The following SLC12A7 variants were observed in gnomAD, a reference collection of about 807,000 sequenced individuals.
The protein encoded by SLC12A7 is solute carrier family 12 member 7, also known as K-Cl cotransporter 4.
In SLC12A7, 100 loss-of-function variants were observed where a neutral mutation model predicts 120.6. The observed-to-expected ratio is 0.83, with a 90% confidence interval of 0.71 to 0.98. The LOEUF (loss-of-function observed/expected upper bound fraction) is 0.98. Among genes scored for constraint, SLC12A7 ranks in the 50% least tolerant of loss-of-function variants. The pLI, the probability that SLC12A7 is intolerant of heterozygous loss-of-function variation, is 0.00. For missense variants in SLC12A7, 1,373 were observed against 1,548.1 expected, an observed-to-expected ratio of 0.89 and a Z score of 1.90; for synonymous variants, 760 against 678.0, an observed-to-expected ratio of 1.12 and a Z score of -1.88.
the SLC12A7 span, among the ~76,000 whole-genome samples, chr5:1,153,445 G>A: frequency 1.3e-5 from 2 of 152,206 alleles, no homozygotes; most frequent in African/African-American, 4.8e-5. Flanking sequence ...GGGGCCTCTG[G>A]GGGGGTCCAT....
intron 2 of SLC12A7, 25 bp downstream of exon 2, chr5:1,094,129 T>C: frequency 1.3e-6 from 2 of 1,591,896 alleles, no homozygotes; most frequent in South Asian, 2.2e-5. Flanking sequence ...CCCTGGCACC[T>C]TCTTCTTCTA....
chr5:1,134,367 G>A, the SLC12A7 span, among the ~76,000 whole-genome samples: 1 of 152,130 alleles, frequency 6.6e-6, no homozygotes, highest in Non-Finnish European at 1.5e-5. Context: ...CTACTGGAGA[G>A]GCTGAGGCAG....
At chr5:1,140,542 G>A in the SLC12A7 span, among the ~76,000 whole-genome samples, 1 of 152,214 alleles carries the variant, frequency 6.6e-6, no homozygotes, top group African/African-American at 2.4e-5. Context: ...AGCTGTCCCT[G>A]GAGGGAGGCG....
intron 14 of SLC12A7, 71 bp downstream of exon 14, chr5:1,076,067 C>T: frequency 7.5e-7 from 1 of 1,328,876 alleles, no homozygotes; most frequent in Non-Finnish European, 1.0e-6. Context: ...TGCTGAGCGG[C>T]CTCACCAGTG....
At chr5:1,107,060 C>T (rs1253784708) in intron 1 of SLC12A7, among the ~76,000 whole-genome samples, 6 of 152,218 alleles carry the variant, frequency 3.9e-5, no homozygotes, top group Non-Finnish European at 4.4e-5. Flanking sequence ...TCTTCCTTTA[C>T]CCCCATGTGT....
intron 17 of SLC12A7, 114 bp from the exon 18 acceptor site, chr5:1,065,592 G>T: frequency 1.2e-6 from 1 of 825,212 alleles, no homozygotes; most frequent in African/African-American, 1.7e-5. Context: ...CCCAGCAGGA[G>T]GGAAGGCCCG....
chr5:1,066,420 T>C (rs1162426920), intron 17 of SLC12A7, among the ~76,000 whole-genome samples: 1 of 152,152 alleles, frequency 6.6e-6, no homozygotes, highest in Non-Finnish European at 1.5e-5. Flanking sequence ...AGCTGGTCTG[T>C]GCAGGCCTGA....
the SLC12A7 span, among the ~76,000 whole-genome samples, chr5:1,132,050 G>A: frequency 6.6e-6 from 1 of 152,218 alleles, no homozygotes; most frequent in African/African-American, 2.4e-5. Context: ...GACCGCGCAA[G>A]AGGCAGGTCG....
chr5:1,065,586 G>A, intron 17 of SLC12A7, 108 bp from the exon 18 acceptor site: 1 of 882,252 alleles, frequency 1.1e-6, no homozygotes, highest in Non-Finnish European at 1.7e-6. Context: ...TGTGGACCCA[G>A]CAGGAGGGAA....
rs1374133141 is a variant in SLC12A7, at chr5:1,082,372, G to A, written c.1130-628C>T. Among the ~76,000 whole-genome samples the A allele has an allele frequency of 7.7e-4, 87 of 112,376 alleles. 1 individual carries two copies. Among genetic ancestry groups the A allele is most frequent in the African/African-American group, 3.2e-3 (79 of 24,836 alleles). The allele number at this position is 112,376 out of a possible 152,430, so 73.7% of individuals were successfully genotyped here. A position where few individuals can be genotyped will look rare whatever the true frequency, so the allele number is the denominator to read the frequency against. On this transcript the variant is annotated intron_variant, in intron 8 of 23. Transcript: ENST00000264930. ...GGGTTCTGGAAAGTCCAGGCTTCCCGTCTCGGGTTCTGGAAAGTCCAGGCT... is the reference window on the plus strand; with the variant it reads ...GGGTTCTGGAAAGTCCAGGCTTCCCATCTCGGGTTCTGGAAAGTCCAGGCT...
chr5:1,067,922 C>T (rs1291472642), intron 17 of SLC12A7, among the ~76,000 whole-genome samples: 1 of 102,176 alleles, frequency 9.8e-6, no homozygotes, highest in African/African-American at 3.6e-5. Flanking sequence ...TCACAAGTCC[C>T]CGCACCTGCC....
intron 9 of SLC12A7, among the ~76,000 whole-genome samples, chr5:1,081,296 A>C (rs1224570982): frequency 2.0e-5 from 3 of 152,160 alleles, no homozygotes; most frequent in Non-Finnish European, 4.4e-5. Context: ...CCCCGTCTAC[A>C]AAAAATACAG....
intron 18 of SLC12A7, among the ~76,000 whole-genome samples, 191 bp from the exon 19 acceptor site, chr5:1,064,443 T>C (rs544331206): frequency 1.5e-4 from 23 of 152,334 alleles, no homozygotes; most frequent in African/African-American, 5.5e-4. Flanking sequence ...CTGCTGGTCA[T>C]GTGTCCAGGG....
intron 1 of SLC12A7, among the ~76,000 whole-genome samples, chr5:1,099,779 T>TG (rs1561104075): frequency 6.6e-6 from 1 of 152,172 alleles, no homozygotes; most frequent in Non-Finnish European, 1.5e-5. Context: ...GCCAAGCTCA[T>TG]GGTCTCCCCA....
chr5:1,096,855 AG>A (rs1561098514), intron 1 of SLC12A7, among the ~76,000 whole-genome samples: 1 of 61,336 alleles, frequency 1.6e-5, no homozygotes, highest in Non-Finnish European at 3.0e-5. Context: ...GGAAGGAGGG[AG>A]GGAGGGATGA....
In SLC12A7 at chr5:1,064,388, G is replaced by A. The variant is rs55717514; in HGVS notation, c.2438-136C>T. On this transcript the variant is annotated intron_variant, in intron 18 of 23. Coordinates refer to ENST00000264930, the MANE Select transcript of SLC12A7 (RefSeq NM_006598.3). ...CCCACAAAGCCCCCACCCTCACTCCGTCAGCTCCTCCAAGGACCAGCCAGA... is the reference window on the plus strand; with the variant it reads ...CCCACAAAGCCCCCACCCTCACTCCATCAGCTCCTCCAAGGACCAGCCAGA... 6.8e-3 allele frequency: 6,513 copies of A among 964,836 alleles called. 27 individuals carry two copies. The highest frequency in any genetic ancestry group is 0.011 in the Middle Eastern group (33 of 3,018). The allele number at this position is 964,836 out of a possible 1,614,324, so 59.8% of individuals were successfully genotyped here. A position where few individuals can be genotyped will look rare whatever the true frequency, so the allele number is the denominator to read the frequency against.
chr5:1,090,062 G>A (rs1740320721), intron 3 of SLC12A7, among the ~76,000 whole-genome samples: 1 of 152,272 alleles, frequency 6.6e-6, no homozygotes, highest in Admixed American at 6.5e-5. Flanking sequence ...TGGCCACAAT[G>A]TGGATCAGAA....
the SLC12A7 span, among the ~76,000 whole-genome samples, chr5:1,137,973 C>A: frequency 6.6e-6 from 1 of 152,184 alleles, no homozygotes; most frequent in Admixed American, 6.5e-5. Context: ...TTCCTGGGCT[C>A]CTGGTTCCTG....
intron 3 of SLC12A7, among the ~76,000 whole-genome samples, chr5:1,092,293 CAG>C (rs1740611642): frequency 6.6e-6 from 1 of 152,256 alleles, no homozygotes; most frequent in Non-Finnish European, 1.5e-5. Context: ...AGGAGGCACT[CAG>C]GGGTGGCGTC....
Sources: allele counts gnomAD v4.1 joint callset (sites outside exome capture counted in the v4.1 genomes callset), GRCh38; gene constraint gnomAD v4.1.1; transcripts MANE v1.5; gene names NCBI Gene and HGNC (gene_info 2026-07-23, HGNC 2026-07-21).